The following PAN3 variants were observed in gnomAD, a reference collection of about 807,000 sequenced individuals.
PAN3 encodes poly(A) specific ribonuclease subunit PAN3, also known as PAN2-PAN3 deadenylation complex subunit PAN3.
In PAN3, 19 loss-of-function variants were observed where a neutral mutation model predicts 96.2. The observed-to-expected ratio is 0.20, with a 90% confidence interval of 0.14 to 0.29. PAN3 has a LOEUF of 0.29. Among genes scored for constraint, PAN3 ranks in the 10% least tolerant of loss-of-function variants. PAN3 has a pLI of 1.00. For missense variants in PAN3, 882 were observed against 1,108.1 expected (o/e 0.80, Z 2.90); for synonymous variants, 433 against 406.6 (o/e 1.06, Z -0.78).
chr13:28,148,452 A>AT, intron 1 of PAN3, among the ~76,000 whole-genome samples: 1 of 152,244 alleles, frequency 6.6e-6, no homozygotes, highest in Non-Finnish European at 1.5e-5. Flanking sequence ...CTGGTTATAT[A>AT]TTTTTAATAT....
At chr13:28,262,363 A>G (rs1334268551) in intron 9 of PAN3, among the ~76,000 whole-genome samples, 1 of 152,228 alleles carries the variant, frequency 6.6e-6, no homozygotes, top group African/African-American at 2.4e-5. Context: ...ATAATACAGT[A>G]GGAATACATT....
At chr13:28,239,847 G>T in intron 6 of PAN3, 1 of 363,716 alleles carries the variant, frequency 2.7e-6, no homozygotes, top group Non-Finnish European at 5.1e-6. Flanking sequence ...TTATTTTATT[G>T]TCAAACTTCT....
chr13:28,235,688 CACACACAT>C (rs1172664509), intron 6 of PAN3, among the ~76,000 whole-genome samples: 2 of 102,248 alleles, frequency 2.0e-5, no homozygotes, highest in Admixed American at 1.2e-4. Context: ...AATATACACA[CACACACAT>C]ACACACACAC....
At chr13:28,244,974 G>T (rs934351170) in intron 6 of PAN3, among the ~76,000 whole-genome samples, 3 of 151,960 alleles carry the variant, frequency 2.0e-5, no homozygotes, top group African/African-American at 7.3e-5. Context: ...TCAGCCTCCT[G>T]AGTAGCTGGG....
chr13:28,149,050 T>C (rs1406153236), intron 1 of PAN3, among the ~76,000 whole-genome samples: 1 of 151,366 alleles, frequency 6.6e-6, no homozygotes, highest in Non-Finnish European at 1.5e-5. Flanking sequence ...GGTTCACAGT[T>C]GATACATTAA....
intron 3 of PAN3, among the ~76,000 whole-genome samples, chr13:28,177,653 C>G (rs973389946): frequency 3.3e-5 from 5 of 152,124 alleles, no homozygotes; most frequent in African/African-American, 7.2e-5. Context: ...ATAGATCTAT[C>G]CTGATCCATA....
chr13:28,251,879 T>G (rs538863197), intron 6 of PAN3, among the ~76,000 whole-genome samples: 69 of 150,092 alleles, frequency 4.6e-4, no homozygotes, highest in African/African-American at 1.6e-3. Flanking sequence ...GGGGTTGGTT[T>G]GTTTGTTTGT....
intron 5 of PAN3, among the ~76,000 whole-genome samples, chr13:28,213,093 T>A (rs1880248224): frequency 6.6e-6 from 1 of 152,108 alleles, no homozygotes; most frequent in African/African-American, 2.4e-5. Context: ...CCATGGGTTC[T>A]GCATTCTTGG....
At chr13:28,147,494 T>A (rs1666064284) in intron 1 of PAN3, among the ~76,000 whole-genome samples, 1 of 152,218 alleles carries the variant, frequency 6.6e-6, no homozygotes, top group Non-Finnish European at 1.5e-5. Context: ...CATCATAGCT[T>A]AGCCTAGCCT....
At chr13:28,272,157 G>A (rs1240822148) in intron 14 of PAN3, 86 bp downstream of exon 14, 1 of 966,300 alleles carries the variant, frequency 1.0e-6, no homozygotes, top group Non-Finnish European at 1.5e-6. Context: ...AGTGTTTTAA[G>A]CCTAGATTTT....
intron 5 of PAN3, among the ~76,000 whole-genome samples, chr13:28,204,123 A>G (rs1202969691): frequency 6.6e-6 from 1 of 151,976 alleles, no homozygotes; most frequent in Non-Finnish European, 1.5e-5. Context: ...TCTCTGTTTT[A>G]TATTTTTTTC....
chr13:28,199,201 C>T (rs1177274535), intron 5 of PAN3, among the ~76,000 whole-genome samples: 1 of 152,020 alleles, frequency 6.6e-6, no homozygotes, highest in Admixed American at 6.6e-5. Flanking sequence ...TATTTAAGAG[C>T]AGATACAAGT....
At chr13:28,175,657 G>A (rs537111331) in intron 2 of PAN3, among the ~76,000 whole-genome samples, 3 of 151,850 alleles carry the variant, frequency 2.0e-5, no homozygotes, top group East Asian at 3.9e-4. Context: ...GCACTCTAAG[G>A]GTTGTTTATA....
At chr13:28,290,652 A>G (rs1869643932) in intron 18 of PAN3, among the ~76,000 whole-genome samples, 1 of 152,230 alleles carries the variant, frequency 6.6e-6, no homozygotes, top group Non-Finnish European at 1.5e-5. Context: ...ATTGTACTCC[A>G]GCCTGGGCAA....
At chr13:28,188,067 ATAG>A (rs1295056179) in intron 4 of PAN3, among the ~76,000 whole-genome samples, 2 of 152,240 alleles carry the variant, frequency 1.3e-5, no homozygotes, top group South Asian at 2.1e-4. Context: ...AACTTGAAAA[ATAG>A]TAGTATACAA....
intron 6 of PAN3, among the ~76,000 whole-genome samples, chr13:28,235,075 C>T (rs1882953563): frequency 6.6e-6 from 1 of 152,156 alleles, no homozygotes; most frequent in Non-Finnish European, 1.5e-5. Context: ...TATAATCTCA[C>T]CTGTCATTCT....
At chr13:28,249,557 T>C (rs1198004104) in intron 6 of PAN3, among the ~76,000 whole-genome samples, 1 of 152,120 alleles carries the variant, frequency 6.6e-6, no homozygotes, top group Non-Finnish European at 1.5e-5. Context: ...CAAGTGATTC[T>C]TCTGCCTCAG....
intron 5 of PAN3, among the ~76,000 whole-genome samples, chr13:28,218,368 T>C (rs1881035790): frequency 6.6e-6 from 1 of 152,162 alleles, no homozygotes; most frequent in South Asian, 2.1e-4. Flanking sequence ...TTATCTTTAA[T>C]CTCAAGTGCT....
chr13:28,140,844 CAA>C (rs1442269189), intron 1 of PAN3, among the ~76,000 whole-genome samples: 1 of 152,112 alleles, frequency 6.6e-6, no homozygotes, highest in Admixed American at 6.6e-5. Flanking sequence ...TTTTGTAAAA[CAA>C]ATGGTTACTT....
Sources: gnomAD v4.1 joint callset for allele counts (sites outside exome capture counted in the v4.1 genomes callset) on GRCh38, gnomAD v4.1.1 for gene constraint, MANE v1.5 for transcripts, NCBI Gene and HGNC (gene_info 2026-07-23, HGNC 2026-07-21) for gene names.